Variants in VHL observed in about 807,000 individuals in gnomAD.
VHL encodes von Hippel-Lindau disease tumor suppressor.
Under a neutral mutation model 19.2 loss-of-function variants are expected in VHL, and 10 were observed. The observed-to-expected ratio is 0.52, with a 90% CI of 0.32 to 0.89. The LOEUF is 0.89. Ranked by LOEUF, VHL falls within the 40% of genes least tolerant of loss-of-function variation. The pLI is 0.03. For synonymous variants in VHL, 167 were observed against 129.5 expected (o/e 1.29, Z -1.97); for missense variants, 328 against 292.7 (o/e 1.12, Z -0.88).
Position 10,151,290 on chromosome 3 carries a change from G to A in VHL, c.*1325G>A, listed in dbSNP as rs893321807. On this transcript the variant is annotated 3_prime_UTR_variant, in exon 3 of 3. Coordinates refer to ENST00000256474, the MANE Select transcript of VHL (RefSeq NM_000551.4). ...TGGACTGTTTCATAGTTTTCTAAAT[G>A]TACAAATTCTTATAGGCTAGACTTA... is the stretch of plus-strand genomic sequence containing the variant. The A allele has an allele frequency of 9.5e-6, 2 of 210,572 alleles. No individual in the cohort carries two copies. The highest frequency in any genetic ancestry group is 1.4e-4 in the East Asian group (2 of 13,844). 13.0% of individuals were successfully genotyped at this position (210,572 alleles called of 1,614,324 possible). A position where few individuals can be genotyped will look rare whatever the true frequency, so the allele number is the denominator to read the frequency against.
At position 10,141,816 on chromosome 3, in the gene VHL, G is replaced by A. The variant is rs1696110139; in HGVS notation, c.-32G>A. 2.0e-6 allele frequency: 3 copies of A among 1,536,088 alleles called. No individual in the cohort carries two copies. The highest frequency in any genetic ancestry group is 1.2e-5 in the South Asian group (1 of 83,018). On this transcript the variant is annotated 5_prime_UTR_variant, in exon 1 of 3. Coordinates refer to ENST00000256474, the MANE Select transcript of VHL (RefSeq NM_000551.4). ...GCGTCCGACCCGCGGATCCCGCGGCGTCCGGCCCGGGTGGTCTGGATCGCG... is the reference window on the plus strand; with the variant it reads ...GCGTCCGACCCGCGGATCCCGCGGCATCCGGCCCGGGTGGTCTGGATCGCG...
rs1352171735 is a variant in VHL at position 10,141,869 on chromosome 3, T to G, written c.22T>G (p.Trp8Gly). Residue 8 changes from tryptophan (W) to glycine (G), a missense_variant, in exon 1 of 3, where the codon TGG becomes GGG. Transcript: ENST00000256474. Reference protein sequence around the residue: MPRRAENWDEAEVGAEEA... With the variant: MPRRAENGDEAEVGAEEA... ...GGGAATGCCCCGGAGGGCGGAGAACTGGGACGAGGCCGAGGTAGGCGCGGA... is the reference window on the plus strand; with the variant it reads ...GGGAATGCCCCGGAGGGCGGAGAACGGGGACGAGGCCGAGGTAGGCGCGGA... The G allele has an allele frequency of 4.6e-6, 7 of 1,535,112 alleles. No individual in the cohort carries two copies. The East Asian group carries it at 1.7e-4, about 38-fold the overall frequency.
chr3:10,151,646 A>G lies in VHL; in HGVS notation c.*1681A>G, dbSNP rs1316937970. The G allele has an allele frequency of 4.6e-6, 1 of 217,738 alleles. No individual in the cohort carries two copies. The highest frequency in any genetic ancestry group is 2.2e-5 in the African/African-American group (1 of 44,498). The allele number at this position is 217,738 out of a possible 1,614,324, so 13.5% of individuals were successfully genotyped here. ...AACTTTATAACTTAAATATTGCTCT[A>G]TGTTAGTATAAGCTTTTCACAAACA... On this transcript the variant is annotated 3_prime_UTR_variant, in exon 3 of 3. Coordinates refer to ENST00000256474, the MANE Select transcript of VHL (RefSeq NM_000551.4).
In VHL at chr3:10,142,768, A is replaced by G. The variant is rs968298760; in HGVS notation, c.340+581A>G. On this transcript the variant is annotated intron_variant, in intron 1 of 2. Coordinates refer to ENST00000256474, the MANE Select transcript of VHL (RefSeq NM_000551.4). ...TTAACACCCCATCTGTTCAGTCCTC[A>G]TGACTCCAGTGGGCCAGTTCTGCGT... 1 of 155,496 alleles carries G rather than the reference A, an allele frequency of 6.4e-6. No homozygotes were observed. The highest frequency in any genetic ancestry group is 2.4e-5 in the African/African-American group (1 of 41,432). 9.6% of individuals were successfully genotyped at this position (155,496 alleles called of 1,614,324 possible). A position where few individuals can be genotyped will look rare whatever the true frequency, so the allele number is the denominator to read the frequency against.
chr3:10,146,173 CTTTTT>C (rs367615363), intron 1 of VHL, among the ~76,000 whole-genome samples: 5 of 131,540 alleles, frequency 3.8e-5, no homozygotes, highest in African/African-American at 1.4e-4. Context: ...CAGTCTGGCT[CTTTTT>C]TTTTTTTTTT....
rs1423653937 is a variant in VHL, at chr3:10,151,589, C to T, written c.*1624C>T. The T allele has an allele frequency of 4.5e-6, 1 of 224,460 alleles. No individual in the cohort carries two copies. Among genetic ancestry groups the T allele is most frequent in the Non-Finnish European group, 8.9e-6 (1 of 112,640 alleles). 13.9% of individuals were successfully genotyped at this position (224,460 alleles called of 1,614,324 possible). ...TGGTTTTTACATAGTTGAGATTGTA[C>T]TGTTCATACAGTTTTATACCCTTTT... On this transcript the variant is annotated 3_prime_UTR_variant, in exon 3 of 3. Coordinates refer to ENST00000256474, the MANE Select transcript of VHL (RefSeq NM_000551.4).
intron 1 of VHL, among the ~76,000 whole-genome samples, chr3:10,143,255 C>A (rs536127652): frequency 6.6e-6 from 1 of 152,020 alleles, no homozygotes; most frequent in Non-Finnish European, 1.5e-5. Context: ...CTCAGCCTCC[C>A]GAGGAGCGGG....
chr3:10,148,100 A>G lies in VHL; in HGVS notation c.463+1464A>G, dbSNP rs542712042. Among the ~76,000 whole-genome samples, 4 of 148,838 alleles carry G rather than the reference A, an allele frequency of 2.7e-5. No individual in the cohort carries two copies. The East Asian group carries it at 7.7e-4, about 29-fold the overall frequency. ...GACAGAGTGAGATCCTGTCTCAAAA[A>G]AAGAAAAAAAAAACTCAAAAACCCC... is the stretch of plus-strand genomic sequence containing the variant. On this transcript the variant is annotated intron_variant, in intron 2 of 2. Transcript: ENST00000256474.
At chr3:10,145,647 A>C (rs1696236702) in intron 1 of VHL, among the ~76,000 whole-genome samples, 1 of 149,920 alleles carries the variant, frequency 6.7e-6, no homozygotes, top group South Asian at 2.1e-4. Flanking sequence ...CGGAGCTTGC[A>C]GTGAGCCGAG....
intron 1 of VHL, 97 bp from the exon 2 acceptor site, chr3:10,146,417 G>T (rs542866871): frequency 2.3e-5 from 35 of 1,527,518 alleles, no homozygotes; most frequent in Middle Eastern, 1.8e-4. Flanking sequence ...CTCATGATCC[G>T]CCTGCCTCGG....
intron 2 of VHL, among the ~76,000 whole-genome samples, chr3:10,147,645 G>T (rs9829048): frequency 0.026 from 3,969 of 151,674 alleles, 186 homozygotes; most frequent in African/African-American, 0.091. Context: ...GATTACAGGC[G>T]TGAGCCACTG....
At chr3:10,147,827 C>A (rs1295363892) in intron 2 of VHL, among the ~76,000 whole-genome samples, 1 of 152,156 alleles carries the variant, frequency 6.6e-6, no homozygotes, top group Non-Finnish European at 1.5e-5. Flanking sequence ...TGCCTGTAAT[C>A]ATGCCTGTAA....
rs193922613 is a variant in VHL at position 10,149,847 on chromosome 3, A to G, written c.524A>G (p.Tyr175Cys). 6.2e-7 allele frequency: 1 copy of G among 1,614,106 alleles called. No individual in the cohort carries two copies. Among genetic ancestry groups the G allele is most frequent in the Non-Finnish European group, 8.5e-7 (1 of 1,180,052 alleles). ...VVRSLVKPEN[Y>C]RRLDIVRSLY... ...CGGAGCCTAGTCAAGCCTGAGAATT[A>G]CAGGAGACTGGACATCGTCAGGTCG... The change falls in exon 3 of 3, where the codon TAC (tyrosine) becomes TGC (cysteine). Residue 175 changes from tyrosine to cysteine, a missense_variant. By Grantham distance (194) the Tyr-to-Cys change is radical. Coordinates refer to ENST00000256474, the MANE Select transcript of VHL (RefSeq NM_000551.4).
chr3:10,149,076 G>A (rs2125129999), intron 2 of VHL, among the ~76,000 whole-genome samples: 1 of 151,210 alleles, frequency 6.6e-6, no homozygotes, highest in Non-Finnish European at 1.5e-5. Flanking sequence ...CTGGCAGCTG[G>A]GGGCTGGGCC....
rs1696393144 is a variant in VHL at position 10,150,871 on chromosome 3, GT to G, written c.*913del. ...TATGTGACATTCCTGATTGATTTGG[GT>G]TTTTTTGTTGTTGTTGTTTTGTTTT... On this transcript the variant is annotated 3_prime_UTR_variant, in exon 3 of 3. Coordinates refer to ENST00000256474, the MANE Select transcript of VHL (RefSeq NM_000551.4). 3 of 228,338 alleles carry G rather than the reference GT, an allele frequency of 1.3e-5. No individual in the cohort carries two copies. Among genetic ancestry groups the G allele is most frequent in the East Asian group, 1.2e-4 (2 of 16,002 alleles). 14.1% of individuals were successfully genotyped at this position (228,338 alleles called of 1,614,324 possible).
chr3:10,152,475 A>G lies in VHL; in HGVS notation c.*2510A>G, dbSNP rs1402975262. On this transcript the variant is annotated 3_prime_UTR_variant, in exon 3 of 3. Transcript: ENST00000256474. ...TAGCTCCTCCTTTCAACATTCAACA[A>G]ATAGTCTTTTTTTTTTTTTTTTTTT... 6.9e-6 allele frequency among the ~76,000 whole-genome samples: 1 copy of G among 144,568 alleles called. No individual in the cohort carries two copies. Among genetic ancestry groups the G allele is most frequent in the East Asian group, 2.1e-4 (1 of 4,854 alleles). The allele number at this position is 144,568 out of a possible 152,430, so 94.8% of individuals were successfully genotyped here. A position where few individuals can be genotyped will look rare whatever the true frequency, so the allele number is the denominator to read the frequency against.
intron 1 of VHL, among the ~76,000 whole-genome samples, chr3:10,145,671 AC>A (rs1696237380): frequency 6.7e-6 from 1 of 148,468 alleles, no homozygotes; most frequent in African/African-American, 2.5e-5. Flanking sequence ...GTGCCACTGC[AC>A]TCCAGCCTGG....
Position 10,150,885 on chromosome 3 carries a change from G to GTTGTT in VHL, c.*938_*942dup, listed in dbSNP as rs544983652. On this transcript the variant is annotated 3_prime_UTR_variant, in exon 3 of 3. Transcript: ENST00000256474. ...GATTGATTTGGGTTTTTTTGTTGTT[G>GTTGTT]TTGTTTTGTTTTGTTTTGTTTTTTT... 211 of 225,322 alleles carry GTTGTT rather than the reference G, an allele frequency of 9.4e-4. No individual in the cohort carries two copies. The highest frequency in any genetic ancestry group is 5.4e-3 in the East Asian group (84 of 15,616). The allele number at this position is 225,322 out of a possible 1,614,324, so 14.0% of individuals were successfully genotyped here. A position where few individuals can be genotyped will look rare whatever the true frequency, so the allele number is the denominator to read the frequency against.
Position 10,143,003 on chromosome 3 carries a change from A to C in VHL, c.340+816A>C, listed in dbSNP as rs1031288121. 6.6e-6 allele frequency: 1 copy of C among 152,324 alleles called. No individual in the cohort carries two copies. Among genetic ancestry groups the C allele is most frequent in the Admixed American group, 6.5e-5 (1 of 15,284 alleles). 9.4% of individuals were successfully genotyped at this position (152,324 alleles called of 1,614,324 possible). A position where few individuals can be genotyped will look rare whatever the true frequency, so the allele number is the denominator to read the frequency against. ...GAGAAGGAAGAGAGCAGGATGGAGT[A>C]GGAACTAGCCAACCCTAGGTAAGAG... On this transcript the variant is annotated intron_variant, in intron 1 of 2. Transcript: ENST00000256474.
Sources: gnomAD v4.1 joint callset for allele counts (sites outside exome capture counted in the v4.1 genomes callset) on GRCh38, gnomAD v4.1.1 for gene constraint, MANE v1.5 for transcripts, NCBI Gene and HGNC (gene_info 2026-07-23, HGNC 2026-07-21) for gene names.